The following MTUS2 variants were observed in gnomAD, a reference collection of about 807,000 sequenced individuals.
MTUS2 encodes the protein microtubule-associated tumor suppressor candidate 2.
In MTUS2, 40 loss-of-function variants were observed where a neutral mutation model predicts 114.1. The ratio of observed to expected loss-of-function variants is 0.35; its 90% CI spans 0.27 to 0.46. The LOEUF is 0.46. Ranked by LOEUF, MTUS2 falls within the 20% of genes least tolerant of loss-of-function variation. MTUS2 has a pLI of 1.00. For missense variants in MTUS2, 1,679 were observed against 1,705.4 expected (o/e 0.98, Z 0.27); for synonymous variants, 688 against 672.0 (o/e 1.02, Z -0.37).
intron 7 of MTUS2, among the ~76,000 whole-genome samples, chr13:29,347,201 G>A (rs965317739): frequency 9.2e-5 from 14 of 152,212 alleles, no homozygotes; most frequent in African/African-American, 2.4e-4. Flanking sequence ...CTCACTTTCT[G>A]ATTTCTATTC....
intron 2 of MTUS2, among the ~76,000 whole-genome samples, chr13:28,944,875 G>T (rs1882435634): frequency 1.3e-5 from 2 of 152,122 alleles, no homozygotes; most frequent in African/African-American, 4.8e-5. Flanking sequence ...TTTGTTACAT[G>T]GACATACTGT....
chr13:28,854,219 T>G (rs1225562765), intron 2 of MTUS2, among the ~76,000 whole-genome samples: 1 of 152,200 alleles, frequency 6.6e-6, no homozygotes, highest in African/African-American at 2.4e-5. Context: ...CACATTACAG[T>G]CTGGGAAACA....
rs547749784 is a variant in MTUS2 at position 29,084,787 on chromosome 13, C to A, written c.2447-15986C>A. 1.5e-4 allele frequency among the ~76,000 whole-genome samples: 17 copies of A among 112,322 alleles called. No individual in the cohort carries two copies. The South Asian group carries it at 3.5e-3, about 23-fold the overall frequency. The allele number at this position is 112,322 out of a possible 152,430, so 73.7% of individuals were successfully genotyped here. A position where few individuals can be genotyped will look rare whatever the true frequency, so the allele number is the denominator to read the frequency against. ...TCCTGACCTCAGGTGATCCACCCCCCCCCCTCACCGTTGGCCTTCCAAAGT... is the reference window on the plus strand; with the variant it reads ...TCCTGACCTCAGGTGATCCACCCCCACCCCTCACCGTTGGCCTTCCAAAGT... On this transcript the variant is annotated intron_variant, in intron 4 of 15. Coordinates refer to ENST00000612955, the MANE Select transcript of MTUS2 (RefSeq NM_001033602.4).
At chr13:29,129,577 T>TGTC in intron 5 of MTUS2, among the ~76,000 whole-genome samples, 1 of 151,448 alleles carries the variant, frequency 6.6e-6, no homozygotes, top group Non-Finnish European at 1.5e-5. Context: ...TTTTTATTGA[T>TGTC]ATATTTGTTC....
intron 5 of MTUS2, among the ~76,000 whole-genome samples, chr13:29,125,078 AATTAT>A (rs1285845549): frequency 3.3e-5 from 5 of 152,210 alleles, no homozygotes; most frequent in African/African-American, 9.7e-5. Flanking sequence ...AAAATAGTAA[AATTAT>A]ATTATGTGAA....
At chr13:29,280,067 G>T (rs1282645567) in intron 5 of MTUS2, among the ~76,000 whole-genome samples, 1 of 152,194 alleles carries the variant, frequency 6.6e-6, no homozygotes, top group Admixed American at 6.5e-5. Context: ...TGCCCCATGT[G>T]AAAATATCAT....
chr13:28,952,933 T>A (rs1444324306), intron 2 of MTUS2, among the ~76,000 whole-genome samples: 1 of 152,232 alleles, frequency 6.6e-6, no homozygotes, highest in Non-Finnish European at 1.5e-5. Flanking sequence ...TTAAAAAGTG[T>A]TACAGTGGGA....
chr13:28,966,944 G>A (rs542166115), intron 2 of MTUS2, among the ~76,000 whole-genome samples: 1 of 152,258 alleles, frequency 6.6e-6, no homozygotes, highest in South Asian at 2.1e-4. Flanking sequence ...GAGAATAGTA[G>A]CAAATTTTCC....
chr13:29,164,856 A>G (rs1242249527), intron 5 of MTUS2, among the ~76,000 whole-genome samples: 1 of 152,252 alleles, frequency 6.6e-6, no homozygotes, highest in African/African-American at 2.4e-5. Flanking sequence ...TAGTAAATGA[A>G]AAAAATGAAA....
rs1290588880 is a variant in MTUS2, at chr13:29,014,136, C to G, written c.-242-10321C>G. On this transcript the variant is annotated intron_variant, in intron 2 of 15. Transcript: ENST00000612955. ...TTTCTCGCCTCCCTAACCCAGGAGG[C>G]CTTGTTCCACACAGGCTGCAGTCTG... Among the ~76,000 whole-genome samples, 9 of 152,242 alleles carry G rather than the reference C, an allele frequency of 5.9e-5. No homozygotes were observed. The East Asian group carries it at 1.7e-3, about 29-fold the overall frequency.
chr13:29,501,914 T>C (rs1031058920), intron 15 of MTUS2, among the ~76,000 whole-genome samples: 1 of 151,858 alleles, frequency 6.6e-6, no homozygotes, highest in Non-Finnish European at 1.5e-5. Context: ...CACACACTCA[T>C]ATACTCATAC....
chr13:29,331,011 A>C (rs555833305), intron 7 of MTUS2, among the ~76,000 whole-genome samples: 6 of 152,272 alleles, frequency 3.9e-5, no homozygotes, highest in African/African-American at 1.4e-4. Flanking sequence ...CACTGAATCT[A>C]TGAATTACTT....
intron 7 of MTUS2, among the ~76,000 whole-genome samples, chr13:29,353,272 C>T (rs757038827): frequency 3.9e-5 from 6 of 152,144 alleles, no homozygotes; most frequent in East Asian, 1.9e-4. Flanking sequence ...CTGGCTCAAC[C>T]GATCCTCCCA....
At chr13:29,183,510 A>T (rs1368737937) in intron 5 of MTUS2, among the ~76,000 whole-genome samples, 2 of 152,210 alleles carry the variant, frequency 1.3e-5, no homozygotes, top group African/African-American at 2.4e-5. Flanking sequence ...TTGGAGCTAG[A>T]GATGTAAAAT....
Position 29,143,970 on chromosome 13 carries a change from A to G in MTUS2, c.2644+43000A>G, listed in dbSNP as rs138359706. ...TGGAATGCAGAAGTGCCATAGTGCCATATTTATTTATTCATTTATTCATTC... is the reference window on the plus strand; with the variant it reads ...TGGAATGCAGAAGTGCCATAGTGCCGTATTTATTTATTCATTTATTCATTC... On this transcript the variant is annotated intron_variant, in intron 5 of 15. Coordinates refer to ENST00000612955, the MANE Select transcript of MTUS2 (RefSeq NM_001033602.4). Among the ~76,000 whole-genome samples, 424 of 152,320 alleles carry G rather than the reference A, an allele frequency of 2.8e-3. 2 individuals carry two copies. Among genetic ancestry groups the G allele is most frequent in the African/African-American group, 9.7e-3 (403 of 41,584 alleles).
intron 4 of MTUS2, among the ~76,000 whole-genome samples, chr13:29,047,603 T>C (rs1887688623): frequency 6.7e-6 from 1 of 149,934 alleles, no homozygotes; most frequent in Non-Finnish European, 1.5e-5. Context: ...AAGCTCTGCC[T>C]CCCGGGTTCA....
At chr13:29,325,162 A>G (rs1566131580) in intron 7 of MTUS2, among the ~76,000 whole-genome samples, 2 of 152,218 alleles carry the variant, frequency 1.3e-5, no homozygotes, top group Non-Finnish European at 2.9e-5. Context: ...ATTGCTTATT[A>G]TGAATATTCC....
chr13:29,416,719 G>A (rs767872231), intron 8 of MTUS2, among the ~76,000 whole-genome samples: 1 of 151,998 alleles, frequency 6.6e-6, no homozygotes, highest in African/African-American at 2.4e-5. Context: ...ATTTTCTTTC[G>A]TTGAGCTTTT....
At chr13:29,351,049 G>A (rs1224033041) in intron 7 of MTUS2, among the ~76,000 whole-genome samples, 4 of 150,394 alleles carry the variant, frequency 2.7e-5, no homozygotes, top group Admixed American at 1.3e-4. Context: ...CAATCATTGA[G>A]GGCAAGTGTA....
Sources: gnomAD v4.1 joint callset for allele counts (sites outside exome capture counted in the v4.1 genomes callset) on GRCh38, gnomAD v4.1.1 for gene constraint, MANE v1.5 for transcripts, NCBI Gene and HGNC (gene_info 2026-07-23, HGNC 2026-07-21) for gene names.